ATP8A1: variants seen among roughly 807,000 people sequenced by gnomAD.
ATP8A1 encodes ATPase phospholipid transporting 8A1.
A neutral mutation model predicts 177.7 loss-of-function variants in ATP8A1; 90 were observed. The observed-to-expected ratio is 0.51, with a 90% CI of 0.43 to 0.60. The LOEUF (loss-of-function observed/expected upper bound fraction) is 0.60. Ranked by LOEUF, ATP8A1 falls within the 20% of genes least tolerant of loss-of-function variation. The pLI is 0.00. For missense variants in ATP8A1, 1,072 were observed against 1,392.8 expected (o/e 0.77, Z 3.67); for synonymous variants, 493 against 485.9 (o/e 1.01, Z -0.19).
chr4:42,527,875 AGAGG>A (rs1425815394), intron 20 of ATP8A1, among the ~76,000 whole-genome samples: 1 of 152,152 alleles, frequency 6.6e-6, no homozygotes, highest in African/African-American at 2.4e-5. Context: ...TGGGTACCCT[AGAGG>A]AAGGACTCCA....
chr4:42,412,274 T>C lies in ATP8A1; in HGVS notation c.*642A>G, dbSNP rs975444822. On this transcript the variant is annotated 3_prime_UTR_variant, in exon 37 of 37. Coordinates refer to ENST00000381668, the MANE Select transcript of ATP8A1 (RefSeq NM_006095.2). ...AATATTCATTTTTGTAAATCACTCT[T>C]ACATTTGGAAAGTCAGGCATGCAGA... The C allele has an allele frequency of 6.6e-6, 1 of 152,208 alleles. No homozygotes were observed. The highest frequency in any genetic ancestry group is 1.5e-5 in the Non-Finnish European group (1 of 68,026). The allele number at this position is 152,208 out of a possible 1,614,324, so 9.4% of individuals were successfully genotyped here.
intron 2 of ATP8A1, chr4:42,626,256 T>A (rs1738064106): frequency 6.6e-6 from 1 of 152,278 alleles, no homozygotes; most frequent in African/African-American, 2.4e-5. Flanking sequence ...AAGATATCAC[T>A]ACTTAGGTCT....
At chr4:42,600,403 T>C in intron 6 of ATP8A1, 75 bp downstream of exon 6, 2 of 1,198,150 alleles carry the variant, frequency 1.7e-6, no homozygotes, top group Non-Finnish European at 2.2e-6. Context: ...GCTCATATTA[T>C]ACAAAAAATT....
At chr4:42,430,876 C>A (rs1473350763) in intron 33 of ATP8A1, among the ~76,000 whole-genome samples, 1 of 152,160 alleles carries the variant, frequency 6.6e-6, no homozygotes, top group Non-Finnish European at 1.5e-5. Context: ...CAGATAGCCA[C>A]AGGTCCTGGT....
intron 4 of ATP8A1, among the ~76,000 whole-genome samples, chr4:42,618,683 A>G (rs1737153316): frequency 1.3e-5 from 2 of 152,226 alleles, no homozygotes; most frequent in Admixed American, 6.5e-5. Flanking sequence ...ACAAGTGACA[A>G]AACCCCTTCC....
At chr4:42,482,529 T>G (rs368417183) in intron 25 of ATP8A1, among the ~76,000 whole-genome samples, 23 of 150,510 alleles carry the variant, frequency 1.5e-4, no homozygotes, top group African/African-American at 4.1e-4. Context: ...TCTCTGAAAA[T>G]TTCCTTCAGA....
At chr4:42,574,595 T>A (rs369162434) in intron 14 of ATP8A1, 24 bp downstream of exon 14, 2 of 1,562,068 alleles carry the variant, frequency 1.3e-6, no homozygotes, top group Admixed American at 1.7e-5. Flanking sequence ...GTATTTCATA[T>A]CCTAATTAAA....
chr4:42,530,420 C>G (rs111682482), intron 20 of ATP8A1, among the ~76,000 whole-genome samples: 3 of 152,260 alleles, frequency 2.0e-5, no homozygotes, highest in Admixed American at 6.5e-5. Flanking sequence ...CTATCCTGCA[C>G]GCAGTGCTTC....
Position 42,604,530 on chromosome 4 carries a change from G to A in ATP8A1, c.410-4012C>T, listed in dbSNP as rs368416550. Reference sequence around the variant, plus strand: ...CCATTGCAACAGTTATAGATTTACTGAAGATACAACTCCACTACCTAGTAG... The same window carrying A: ...CCATTGCAACAGTTATAGATTTACTAAAGATACAACTCCACTACCTAGTAG... On this transcript the variant is annotated intron_variant, in intron 5 of 36. Coordinates refer to ENST00000381668, the MANE Select transcript of ATP8A1 (RefSeq NM_006095.2). Among the ~76,000 whole-genome samples the A allele has an allele frequency of 7.2e-5, 11 of 152,266 alleles. No homozygotes were observed. In the East Asian group the frequency reaches 2.1e-3, roughly 29 times the overall value.
chr4:42,555,135 ATCTAATCTATCTATCTATCTATCTATCT>A (rs1462004207), intron 16 of ATP8A1, among the ~76,000 whole-genome samples: 1 of 60,772 alleles, frequency 1.6e-5, no homozygotes, highest in South Asian at 5.3e-4. Flanking sequence ...CTATCTATCT[ATCTAATCTATCTATCTATCTATCTATCT>A]ATCTATCTAT....
At chr4:42,608,615 C>T (rs1736064830) in intron 5 of ATP8A1, among the ~76,000 whole-genome samples, 1 of 152,148 alleles carries the variant, frequency 6.6e-6, no homozygotes. Context: ...GCCTTGGCCT[C>T]CCAAAGTGCT....
At position 42,516,437 on chromosome 4, in the gene ATP8A1, G is replaced by T. The variant is rs1019280880; in HGVS notation, c.1947+5723C>A. 8.5e-5 allele frequency among the ~76,000 whole-genome samples: 13 copies of T among 152,070 alleles called. No homozygotes were observed. The East Asian group carries it at 2.1e-3, about 25-fold the overall frequency. ...TCCCAATCCACGCATCATAATAAGA[G>T]AAAAATAAAAATCTTATCACCAGGG... On this transcript the variant is annotated intron_variant, in intron 22 of 36. Transcript: ENST00000381668.
At chr4:42,602,440 T>C (rs1056700614) in intron 5 of ATP8A1, among the ~76,000 whole-genome samples, 1 of 152,170 alleles carries the variant, frequency 6.6e-6, no homozygotes, top group African/African-American at 2.4e-5. Flanking sequence ...CAACAGTATG[T>C]TCCTCAAAAT....
At chr4:42,594,803 T>C (rs149918000) in intron 6 of ATP8A1, among the ~76,000 whole-genome samples, 1 of 152,126 alleles carries the variant, frequency 6.6e-6, no homozygotes, top group East Asian at 1.9e-4. Context: ...AGAAAATGAG[T>C]TTGAGATTCT....
intron 1 of ATP8A1, among the ~76,000 whole-genome samples, chr4:42,650,091 CAA>C (rs959338221): frequency 7.0e-4 from 106 of 152,270 alleles, no homozygotes; most frequent in African/African-American, 2.4e-3. Context: ...TCGTTAACTT[CAA>C]AAGTGTCCTC....
At chr4:42,608,419 G>T (rs1736037989) in intron 5 of ATP8A1, among the ~76,000 whole-genome samples, 1 of 151,792 alleles carries the variant, frequency 6.6e-6, no homozygotes. Context: ...GAGTGCAGTG[G>T]CACGATCTCG....
At chr4:42,509,749 G>A (rs1011235221) in intron 22 of ATP8A1, among the ~76,000 whole-genome samples, 1 of 151,512 alleles carries the variant, frequency 6.6e-6, no homozygotes, top group East Asian at 1.9e-4. Context: ...CTACTCGGGA[G>A]GCTGAGGCAG....
intron 19 of ATP8A1, among the ~76,000 whole-genome samples, chr4:42,545,154 C>T (rs150061267): frequency 0.01 from 1,362 of 135,142 alleles, 19 homozygotes; most frequent in African/African-American, 0.039. Flanking sequence ...GGCGAGACTC[C>T]GTCTCAAAAA....
At chr4:42,639,041 A>C (rs540697960) in intron 1 of ATP8A1, among the ~76,000 whole-genome samples, 1 of 152,288 alleles carries the variant, frequency 6.6e-6, no homozygotes, top group African/African-American at 2.4e-5. Context: ...TCAGGAGGGC[A>C]CATTTCAATT....
Sources: allele counts gnomAD v4.1 joint callset (sites outside exome capture counted in the v4.1 genomes callset), GRCh38; gene constraint gnomAD v4.1.1; transcripts MANE v1.5; gene names NCBI Gene and HGNC (gene_info 2026-07-23, HGNC 2026-07-21).